Variants in ITPK1 observed in about 807,000 individuals in gnomAD.
ITPK1 encodes the protein inositol 1,3,4-trisphosphate 5/6-kinase.
Under a neutral mutation model 45.3 loss-of-function variants are expected in ITPK1, and 21 were observed. The observed-to-expected ratio is 0.46, with a 90% confidence interval of 0.33 to 0.67. The LOEUF (loss-of-function observed/expected upper bound fraction) is 0.67. ITPK1 is among the 30% of genes least tolerant of loss of function. The probability of loss-of-function intolerance (pLI) is 0.02; values close to 1 mark genes in which losing one functional copy is unlikely to be tolerated. For missense variants in ITPK1, 474 were observed against 573.5 expected (o/e 0.83, Z 1.77); for synonymous variants, 258 against 253.6 (o/e 1.02, Z -0.16).
intron 4 of ITPK1, among the ~76,000 whole-genome samples, chr14:93,002,399 C>G (rs1037291190): frequency 1.3e-5 from 2 of 152,122 alleles, no homozygotes; most frequent in African/African-American, 4.8e-5. Context: ...AGTAGGTGGC[C>G]AGGGCTCTCC....
chr14:92,950,244 G>C (rs536023410), intron 9 of ITPK1, among the ~76,000 whole-genome samples: 1 of 152,360 alleles, frequency 6.6e-6, no homozygotes, highest in East Asian at 1.9e-4. Flanking sequence ...TAAGGCCAGA[G>C]GAGGGCTTCC....
chr14:93,040,950 TGTC>T (rs1388775580), intron 3 of ITPK1, among the ~76,000 whole-genome samples: 1 of 152,130 alleles, frequency 6.6e-6, no homozygotes, highest in Non-Finnish European at 1.5e-5. Flanking sequence ...CATCTCGAGG[TGTC>T]GTGCACATTC....
chr14:93,034,163 G>A lies in ITPK1; in HGVS notation c.121-17362C>T, dbSNP rs1028138454. Among the ~76,000 whole-genome samples the A allele has an allele frequency of 6.6e-6, 1 of 151,888 alleles. No homozygotes were observed. The highest frequency in any genetic ancestry group is 2.4e-5 in the African/African-American group (1 of 41,324). On this transcript the variant is annotated intron_variant, in intron 3 of 10. Coordinates refer to ENST00000267615, the MANE Select transcript of ITPK1 (RefSeq NM_014216.6). This position sits in a 1 kb window ranked among gnomAD's most constrained non-coding sequence, Gnocchi z 4.1. ...CTGCCCCGACACCTTCCTCCCAGGT[G>A]CCCTCCCCCACATCCTGCCCCCAGC... is the stretch of plus-strand genomic sequence containing the variant.
intron 3 of ITPK1, among the ~76,000 whole-genome samples, chr14:93,021,091 C>T (rs1888439599): frequency 6.6e-6 from 1 of 151,986 alleles, no homozygotes; most frequent in Admixed American, 6.6e-5. Context: ...TGGAAACTTC[C>T]GAAAAGTTTT....
intron 5 of ITPK1, among the ~76,000 whole-genome samples, chr14:92,975,893 C>T (rs544131364): frequency 7.2e-5 from 11 of 152,260 alleles, no homozygotes; most frequent in South Asian, 2.1e-4. Context: ...ATCATGGAGG[C>T]GGTTACTTCC....
At chr14:93,020,259 C>A (rs959389247) in intron 3 of ITPK1, among the ~76,000 whole-genome samples, 1 of 152,224 alleles carries the variant, frequency 6.6e-6, no homozygotes, top group Non-Finnish European at 1.5e-5. Flanking sequence ...TTAACCCAAT[C>A]GTACCCAGCC....
At chr14:93,008,094 C>G (rs1887711306) in intron 4 of ITPK1, among the ~76,000 whole-genome samples, 1 of 152,242 alleles carries the variant, frequency 6.6e-6, no homozygotes, top group Non-Finnish European at 1.5e-5. Flanking sequence ...TCCTGTTTCA[C>G]TGAAGGGCCT....
intron 3 of ITPK1, among the ~76,000 whole-genome samples, chr14:93,046,563 A>T (rs149708380): frequency 1.1e-3 from 146 of 133,126 alleles, no homozygotes; most frequent in African/African-American, 4.3e-3. Flanking sequence ...GAAAAAGGCT[A>T]GGTAAGCAGG....
At position 93,115,010 on chromosome 14, in the gene ITPK1, CG is replaced by C. The variant is rs561342636; in HGVS notation, c.95+58del. 24 of 979,132 alleles carry C rather than the reference CG, an allele frequency of 2.5e-5. 1 individual carries two copies. In the African/African-American group the frequency reaches 3.6e-4, roughly 15 times the overall value. 60.7% of individuals were successfully genotyped at this position (979,132 alleles called of 1,614,324 possible). A position where few individuals can be genotyped will look rare whatever the true frequency, so the allele number is the denominator to read the frequency against. On this transcript the variant is annotated intron_variant, in intron 2 of 10. Coordinates refer to ENST00000267615, the MANE Select transcript of ITPK1 (RefSeq NM_014216.6). Reference sequence around the variant, plus strand: ...TAATGAGGCTGCACCGGGCTCGGGCCGGGGGTCACCGGGCTCGGGCCGGGGG... The same window carrying C: ...TAATGAGGCTGCACCGGGCTCGGGCCGGGGTCACCGGGCTCGGGCCGGGGG...
intron 2 of ITPK1, among the ~76,000 whole-genome samples, chr14:93,105,956 C>T (rs1469169243): frequency 6.6e-6 from 1 of 152,196 alleles, no homozygotes; most frequent in Non-Finnish European, 1.5e-5. Flanking sequence ...CCGCCCGCCT[C>T]AGCCTCCCAA....
chr14:92,960,151 T>C (rs1016294668), intron 7 of ITPK1, among the ~76,000 whole-genome samples: 3 of 152,210 alleles, frequency 2.0e-5, no homozygotes, highest in African/African-American at 7.2e-5. Flanking sequence ...GTGGCACACC[T>C]TGCCGGCAGT....
intron 2 of ITPK1, among the ~76,000 whole-genome samples, chr14:93,098,675 G>A (rs578054749): frequency 6.6e-5 from 10 of 152,304 alleles, no homozygotes; most frequent in Admixed American, 3.9e-4. Flanking sequence ...ACAGCTCAGC[G>A]GCAAAGCAGG....
At chr14:93,107,204 C>T (rs773855325) in intron 2 of ITPK1, among the ~76,000 whole-genome samples, 14 of 152,222 alleles carry the variant, frequency 9.2e-5, no homozygotes, top group Non-Finnish European at 1.8e-4. Context: ...GCAATCTGCC[C>T]GCCTCAGCCT....
rs114672645 is a variant in ITPK1, at chr14:93,032,683, C to T, written c.121-15882G>A. 1.8e-3 allele frequency among the ~76,000 whole-genome samples: 267 copies of T among 152,310 alleles called. No individual in the cohort carries two copies. Among genetic ancestry groups the T allele is most frequent in the African/African-American group, 6.0e-3 (249 of 41,576 alleles). ...GGGACCACATACACACCATGCTGGG[C>T]GGGGCAGCTTGATGCCCTTGAATAT... On this transcript the variant is annotated intron_variant, in intron 3 of 10. Coordinates refer to ENST00000267615, the MANE Select transcript of ITPK1 (RefSeq NM_014216.6). This position sits in a 1 kb window ranked among gnomAD's most constrained non-coding sequence, Gnocchi z 4.0.
At chr14:93,082,849 G>C (rs1183249458) in intron 2 of ITPK1, among the ~76,000 whole-genome samples, 3 of 152,202 alleles carry the variant, frequency 2.0e-5, no homozygotes, top group African/African-American at 7.2e-5. Flanking sequence ...TGAGCCAGAG[G>C]CCAACCAGGA....
chr14:93,019,253 G>A (rs967616989), intron 3 of ITPK1, among the ~76,000 whole-genome samples: 1 of 152,206 alleles, frequency 6.6e-6, no homozygotes, highest in African/African-American at 2.4e-5. Flanking sequence ...TCTCCAGACA[G>A]CCCTCCAGGT....
At chr14:92,954,176 T>C (rs898701504) in intron 8 of ITPK1, among the ~76,000 whole-genome samples, 1 of 152,212 alleles carries the variant, frequency 6.6e-6, no homozygotes, top group African/African-American at 2.4e-5. Flanking sequence ...GATATAGGCA[T>C]GAGCCACCGC....
chr14:93,084,367 T>C (rs1287043835), intron 2 of ITPK1, among the ~76,000 whole-genome samples: 1 of 152,214 alleles, frequency 6.6e-6, no homozygotes, highest in African/African-American at 2.4e-5. Flanking sequence ...AAAGTGCTAC[T>C]AGAATCCAGT....
At chr14:92,973,800 C>T (rs201906105) in intron 5 of ITPK1, among the ~76,000 whole-genome samples, 35 of 152,286 alleles carry the variant, frequency 2.3e-4, no homozygotes, top group East Asian at 9.7e-4. Flanking sequence ...TGAGAGGCCC[C>T]GGGATGCAAG....
Sources: allele counts gnomAD v4.1 joint callset (sites outside exome capture counted in the v4.1 genomes callset), GRCh38; gene constraint gnomAD v4.1.1; non-coding constraint Gnocchi (gnomAD v3.1); transcripts MANE v1.5; gene names NCBI Gene and HGNC (gene_info 2026-07-23, HGNC 2026-07-21).